The following ARNT variants were observed in gnomAD, a reference collection of about 807,000 sequenced individuals.
ARNT encodes class E basic helix-loop-helix protein 2.
In ARNT, 30 loss-of-function variants were observed where a neutral mutation model predicts 105.0. The observed-to-expected ratio is 0.29, with a 90% CI of 0.21 to 0.39. The LOEUF is 0.39. Ranked by LOEUF, ARNT falls within the 10% of genes least tolerant of loss-of-function variation. The pLI, the probability that ARNT is intolerant of heterozygous loss-of-function variation, is 1.00. For missense variants in ARNT, 748 were observed against 978.7 expected (o/e 0.76, Z 3.15); for synonymous variants, 304 against 344.0 (o/e 0.88, Z 1.29).
chr1:150,850,125 C>G (rs970998400), intron 3 of ARNT, among the ~76,000 whole-genome samples: 5 of 152,160 alleles, frequency 3.3e-5, no homozygotes, highest in Non-Finnish European at 7.3e-5. Flanking sequence ...AAATTCCTCA[C>G]ACCTGTAATC....
intron 3 of ARNT, among the ~76,000 whole-genome samples, chr1:150,852,116 A>G (rs948582709): frequency 3.9e-5 from 6 of 152,164 alleles, no homozygotes; most frequent in Admixed American, 6.5e-5. Flanking sequence ...AACAGGTGTC[A>G]GAGGGTATGA....
chr1:150,841,751 C>T (rs587664083), intron 5 of ARNT, among the ~76,000 whole-genome samples: 1 of 152,314 alleles, frequency 6.6e-6, no homozygotes, highest in South Asian at 2.1e-4. Flanking sequence ...ACCACATAGG[C>T]CCATATTTAG....
In ARNT at chr1:150,840,945, C is replaced by CTT. The variant is rs777444553; in HGVS notation, c.273-1293_273-1292dup. 8.7e-3 allele frequency among the ~76,000 whole-genome samples: 904 copies of CTT among 103,704 alleles called. 33 individuals are homozygous for CTT. Among genetic ancestry groups the CTT allele is most frequent in the Middle Eastern group, 0.024 (4 of 164 alleles). The allele number at this position is 103,704 out of a possible 152,430, so 68.0% of individuals were successfully genotyped here. On this transcript the variant is annotated intron_variant, in intron 5 of 21. Transcript: ENST00000358595. ...AAATATTTGCCTTATCTCTCTTCTT[C>CTT]TTTTTTTTTTTTTTTTTTTTTGAGA...
intron 1 of ARNT, among the ~76,000 whole-genome samples, chr1:150,864,828 G>A (rs1170075228): frequency 1.2e-4 from 17 of 144,568 alleles, no homozygotes; most frequent in Non-Finnish European, 2.3e-4. Flanking sequence ...ATAATATGTG[G>A]TGGAATGTAA....
chr1:150,818,073 G>T, intron 14 of ARNT, 43 bp from the exon 15 acceptor site: 1 of 1,331,876 alleles, frequency 7.5e-7, no homozygotes, highest in Non-Finnish European at 1.1e-6. Flanking sequence ...TGGAGAGGGA[G>T]GAAGGGGGGA....
chr1:150,850,481 G>A (rs587728225), intron 3 of ARNT, among the ~76,000 whole-genome samples: 3 of 152,226 alleles, frequency 2.0e-5, no homozygotes, highest in Non-Finnish European at 2.9e-5. Context: ...ACGGGGTTTC[G>A]CTGGGTTGGC....
At chr1:150,846,841 G>C (rs1662307999) in intron 3 of ARNT, among the ~76,000 whole-genome samples, 1 of 152,090 alleles carries the variant, frequency 6.6e-6, no homozygotes, top group South Asian at 2.1e-4. Context: ...ACTACTTGTA[G>C]ATACCTCATG....
intron 10 of ARNT, 149 bp from the exon 11 acceptor site, chr1:150,830,129 T>C (rs1659098075): frequency 1.3e-6 from 1 of 782,224 alleles, no homozygotes; most frequent in East Asian, 2.7e-5. Flanking sequence ...GAAGCCAAGG[T>C]GGGCGGATCA....
intron 11 of ARNT, 114 bp from the exon 12 acceptor site, chr1:150,829,341 A>G: frequency 1.7e-6 from 2 of 1,172,528 alleles, no homozygotes; most frequent in Non-Finnish European, 2.4e-6. Flanking sequence ...AGGACTTTCT[A>G]AACTTTCACA....
chr1:150,829,303 T>G, intron 11 of ARNT, 76 bp from the exon 12 acceptor site: 1 of 1,454,510 alleles, frequency 6.9e-7, no homozygotes, highest in Non-Finnish European at 9.5e-7. Flanking sequence ...CTCATGGTCT[T>G]TTGCATAGAC....
intron 6 of ARNT, 52 bp downstream of exon 6, chr1:150,839,389 C>A (rs1208225688): frequency 1.3e-6 from 2 of 1,584,840 alleles, no homozygotes; most frequent in Admixed American, 1.8e-5. Flanking sequence ...CGAAAACTTT[C>A]AAGAGATTCA....
chr1:150,835,141 A>AG (rs923364671), intron 7 of ARNT, among the ~76,000 whole-genome samples: 9 of 151,038 alleles, frequency 6.0e-5, no homozygotes, highest in African/African-American at 1.5e-4. Flanking sequence ...CTTGTCTCAA[A>AG]AAAAAAAAAA....
intron 9 of ARNT, 148 bp from the exon 10 acceptor site, chr1:150,832,051 A>AT: frequency 2.8e-6 from 2 of 711,394 alleles, no homozygotes; most frequent in Non-Finnish European, 2.3e-6. Flanking sequence ...TGACCGCCAC[A>AT]TTTTTACCCT....
At chr1:150,817,568 G>A in intron 15 of ARNT, 135 bp from the exon 16 acceptor site, 2 of 812,148 alleles carry the variant, frequency 2.5e-6, no homozygotes, top group Non-Finnish European at 1.9e-6. Flanking sequence ...AACACTTTGG[G>A]AGGCCGAAGC....
At chr1:150,861,923 G>A (rs1002883418) in intron 1 of ARNT, among the ~76,000 whole-genome samples, 1 of 152,074 alleles carries the variant, frequency 6.6e-6, no homozygotes, top group African/African-American at 2.4e-5. Flanking sequence ...CCCACTGCAG[G>A]CTAATGTAAG....
chr1:150,865,803 CTTGGTT>C (rs1331468508), intron 1 of ARNT, among the ~76,000 whole-genome samples: 1 of 152,120 alleles, frequency 6.6e-6, no homozygotes, highest in Non-Finnish European at 1.5e-5. Flanking sequence ...TCTCCACTTT[CTTGGTT>C]TACTATCTCC....
chr1:150,816,222 A>T, intron 19 of ARNT, 37 bp downstream of exon 19: 1 of 1,562,386 alleles, frequency 6.4e-7, no homozygotes. Context: ...ACAAACAAAA[A>T]ATAATACACA....
chr1:150,813,516 C>G (rs1655171935), intron 20 of ARNT, among the ~76,000 whole-genome samples, 178 bp from the exon 21 acceptor site: 2 of 152,164 alleles, frequency 1.3e-5, no homozygotes, highest in South Asian at 4.1e-4. Flanking sequence ...AATTCTTCTT[C>G]TCCAGGCAGC....
At chr1:150,827,594 AG>A (rs1407637749) in intron 12 of ARNT, among the ~76,000 whole-genome samples, 2 of 152,218 alleles carry the variant, frequency 1.3e-5, no homozygotes, top group African/African-American at 4.8e-5. Flanking sequence ...ACGTTTAAAT[AG>A]TTTTCATTTT....
Sources: allele counts gnomAD v4.1 joint callset (sites outside exome capture counted in the v4.1 genomes callset), GRCh38; gene constraint gnomAD v4.1.1; transcripts MANE v1.5; gene names NCBI Gene and HGNC (gene_info 2026-07-23, HGNC 2026-07-21).